The following CARMIL1 variants were observed in gnomAD, a reference collection of about 807,000 sequenced individuals.
CARMIL1 encodes F-actin-uncapping protein LRRC16A.
A neutral mutation model predicts 177.1 loss-of-function variants in CARMIL1; 90 were observed. The observed-to-expected ratio is 0.51, with a 90% confidence interval of 0.43 to 0.61. The LOEUF (loss-of-function observed/expected upper bound fraction) is 0.61, where lower values mean the gene tolerates loss of function less well. Ranked by LOEUF, CARMIL1 falls within the 20% of genes least tolerant of loss-of-function variation. The pLI is 0.00. For synonymous variants in CARMIL1, 577 were observed against 606.2 expected (o/e 0.95, Z 0.71); for missense variants, 1,380 against 1,667.0 (o/e 0.83, Z 3.00).
intron 2 of CARMIL1, among the ~76,000 whole-genome samples, chr6:25,412,103 C>G (rs1373803336): frequency 6.6e-6 from 1 of 152,204 alleles, no homozygotes; most frequent in Non-Finnish European, 1.5e-5. Flanking sequence ...CTGGATAACT[C>G]TCTTCTTGGT....
chr6:25,461,973 C>T (rs957658590), intron 8 of CARMIL1, among the ~76,000 whole-genome samples: 1 of 151,878 alleles, frequency 6.6e-6, no homozygotes, highest in Non-Finnish European at 1.5e-5. Flanking sequence ...ATACATATAT[C>T]TTATTTAGTG....
chr6:25,616,459 T>C (rs7771765), intron 36 of CARMIL1, among the ~76,000 whole-genome samples: 97,335 of 151,764 alleles, frequency 0.64, 31,497 homozygotes, highest in East Asian at 0.83. Context: ...CTGTAGTGTC[T>C]GCTACTCTGG....
intron 29 of CARMIL1, among the ~76,000 whole-genome samples, chr6:25,576,559 T>C (rs1246608717): frequency 6.6e-6 from 1 of 152,164 alleles, no homozygotes; most frequent in Non-Finnish European, 1.5e-5. Context: ...GGTCCTGTGG[T>C]CCAGGAGCCA....
chr6:25,308,093 A>G (rs1783423177), intron 2 of CARMIL1, among the ~76,000 whole-genome samples: 1 of 152,254 alleles, frequency 6.6e-6, no homozygotes, highest in African/African-American at 2.4e-5. Flanking sequence ...ATGGATATAA[A>G]GTTCTACTTT....
chr6:25,608,799 A>G (rs1251468818), intron 35 of CARMIL1, among the ~76,000 whole-genome samples: 1 of 152,194 alleles, frequency 6.6e-6, no homozygotes, highest in Non-Finnish European at 1.5e-5. Context: ...ACTGAAGAGA[A>G]CGTGGCTGTA....
intron 2 of CARMIL1, chr6:25,350,774 C>G (rs1788035171): frequency 6.6e-6 from 1 of 152,228 alleles, no homozygotes; most frequent in Non-Finnish European, 1.5e-5. Flanking sequence ...TTCTGTGCCC[C>G]TACTGGCTCT....
At chr6:25,492,371 C>T (rs1803326587) in intron 15 of CARMIL1, among the ~76,000 whole-genome samples, 1 of 152,180 alleles carries the variant, frequency 6.6e-6, no homozygotes, top group Non-Finnish European at 1.5e-5. Flanking sequence ...AAACTACTTT[C>T]AGAGAGTAAA....
chr6:25,408,464 C>CAAGATT (rs1794605915), intron 2 of CARMIL1, among the ~76,000 whole-genome samples: 3 of 100,284 alleles, frequency 3.0e-5, no homozygotes, highest in Admixed American at 1.2e-4. Flanking sequence ...TTTAGGGATG[C>CAAGATT]AATGATTTAC....
intron 9 of CARMIL1, among the ~76,000 whole-genome samples, chr6:25,467,084 T>C (rs1026278666): frequency 2.0e-5 from 3 of 152,202 alleles, no homozygotes; most frequent in African/African-American, 7.2e-5. Context: ...TAAGTAGATG[T>C]CTAATAAGTT....
At chr6:25,563,743 C>T in intron 29 of CARMIL1, 1 of 985,162 alleles carries the variant, frequency 1.0e-6, no homozygotes, top group Non-Finnish European at 1.2e-6. Flanking sequence ...ACCAGGCTTG[C>T]TACATTGAGG....
intron 2 of CARMIL1, among the ~76,000 whole-genome samples, chr6:25,412,439 G>T (rs1794987725): frequency 6.6e-6 from 1 of 152,056 alleles, no homozygotes; most frequent in East Asian, 1.9e-4. Context: ...AAACTAGCTG[G>T]GCATGGTGGC....
At chr6:25,391,706 C>T (rs891753718) in intron 2 of CARMIL1, among the ~76,000 whole-genome samples, 1 of 152,110 alleles carries the variant, frequency 6.6e-6, no homozygotes, top group African/African-American at 2.4e-5. Flanking sequence ...ATTGCCAGGG[C>T]TCAAAAAAAC....
Position 25,587,208 on chromosome 6 carries a change from A to AT in CARMIL1, c.3006+5778dup, listed in dbSNP as rs1213467054. Among the ~76,000 whole-genome samples, 36 of 151,818 alleles carry AT rather than the reference A, an allele frequency of 2.4e-4. No homozygotes were observed. In the South Asian group the frequency reaches 3.3e-3, roughly 14 times the overall value. ...TACCACTCCAAAAACAAAAACAAAG[A>AT]TTTTTTTTTAATAACAAGAGCTAGA... On this transcript the variant is annotated intron_variant, in intron 31 of 36. Transcript: ENST00000329474.
chr6:25,308,377 ATTT>A (rs35167760), intron 2 of CARMIL1, among the ~76,000 whole-genome samples: 19,699 of 118,160 alleles, frequency 0.17, 1,692 homozygotes, highest in East Asian at 0.35. Context: ...TTGTACAACC[ATTT>A]TTTTTTTTTT....
chr6:25,383,000 G>C (rs1200895985), intron 2 of CARMIL1, among the ~76,000 whole-genome samples: 2 of 152,154 alleles, frequency 1.3e-5, no homozygotes, highest in Non-Finnish European at 2.9e-5. Flanking sequence ...GGCAGTCTGT[G>C]AAAGAGAGAG....
intron 26 of CARMIL1, among the ~76,000 whole-genome samples, chr6:25,548,918 C>T (rs902990283): frequency 5.3e-5 from 8 of 152,146 alleles, no homozygotes; most frequent in African/African-American, 1.9e-4. Context: ...CTATCTTCAC[C>T]TACAGAGTTG....
chr6:25,447,366 C>T (rs1798332909), intron 5 of CARMIL1, among the ~76,000 whole-genome samples: 1 of 152,148 alleles, frequency 6.6e-6, no homozygotes, highest in African/African-American at 2.4e-5. Context: ...CAGGCAACCT[C>T]CCAGGCCCTA....
At chr6:25,576,893 C>A in intron 29 of CARMIL1, 1 of 524,774 alleles carries the variant, frequency 1.9e-6, no homozygotes, top group Non-Finnish European at 2.4e-6. Context: ...GAATGGTATC[C>A]CTCTCCCTCC....
At chr6:25,439,888 G>C (rs993347649) in intron 5 of CARMIL1, among the ~76,000 whole-genome samples, 1 of 152,136 alleles carries the variant, frequency 6.6e-6, no homozygotes, top group African/African-American at 2.4e-5. Flanking sequence ...GTAATGAGGG[G>C]AGTGATCAGT....
Sources: allele counts gnomAD v4.1 joint callset (sites outside exome capture counted in the v4.1 genomes callset), GRCh38; gene constraint gnomAD v4.1.1; transcripts MANE v1.5; gene names NCBI Gene and HGNC (gene_info 2026-07-23, HGNC 2026-07-21).